JPH2: variants seen among roughly 807,000 people sequenced by gnomAD.
JPH2 encodes junctophilin 2, also known as junctophilin-2.
A neutral mutation model predicts 55.9 loss-of-function variants in JPH2; 38 were observed. That is an observed-to-expected ratio of 0.68 (90% CI 0.52 to 0.89). The LOEUF is 0.89. Among genes scored for constraint, JPH2 ranks in the 40% least tolerant of loss-of-function variants. JPH2 has a pLI of 0.00. For synonymous variants in JPH2, 480 were observed against 472.4 expected (o/e 1.02, Z -0.21); for missense variants, 964 against 1,037.6 (o/e 0.93, Z 0.97).
At chr20:44,175,010 A>C (rs1483238373) in intron 1 of JPH2, among the ~76,000 whole-genome samples, 1 of 152,028 alleles carries the variant, frequency 6.6e-6, no homozygotes, top group Non-Finnish European at 1.5e-5. Context: ...TTAAAAAAAA[A>C]GAAAACAAAA....
chr20:44,160,600 G>A lies in JPH2; in HGVS notation c.380-193C>T, dbSNP rs931183584. On this transcript the variant is annotated intron_variant, in intron 1 of 5. Transcript: ENST00000372980. This position sits in a 1 kb window ranked among gnomAD's most constrained non-coding sequence, Gnocchi z 4.9. The stretch of plus-strand genomic sequence containing the variant: ...AGTGTGCAATAACACGAGTGGGTGA[G>A]CCAGGAGGAGCTTGCACGATGGTAG... 1.3e-5 allele frequency among the ~76,000 whole-genome samples: 2 copies of A among 152,244 alleles called. No homozygotes were observed. The highest frequency in any genetic ancestry group is 4.8e-5 in the African/African-American group (2 of 41,468).
At chr20:44,124,898 A>G (rs1208650599) in intron 2 of JPH2, among the ~76,000 whole-genome samples, 1 of 152,096 alleles carries the variant, frequency 6.6e-6, no homozygotes, top group African/African-American at 2.4e-5. Context: ...ACTTGAGACT[A>G]GGAGATCAAG....
chr20:44,134,277 C>T (rs531765814), intron 2 of JPH2, among the ~76,000 whole-genome samples: 8 of 5,758 alleles, frequency 1.4e-3, no homozygotes, highest in Non-Finnish European at 2.3e-3. Flanking sequence ...ATTATATATA[C>T]ATATAAATAT....
rs183915355 is a variant in JPH2, at chr20:44,162,896, T to C, written c.380-2489A>G. ...CTGTTTAAAACTGCAATCTGCTTAT[T>C]TCACATTGCGTGCCTTTATCAAAAC... On this transcript the variant is annotated intron_variant, in intron 1 of 5. Coordinates refer to ENST00000372980, the MANE Select transcript of JPH2 (RefSeq NM_020433.5). Among the ~76,000 whole-genome samples, 4 of 150,654 alleles carry C rather than the reference T, an allele frequency of 2.7e-5. No individual in the cohort carries two copies. The East Asian group carries it at 7.9e-4, about 30-fold the overall frequency.
At position 44,109,133 on chromosome 20, in the gene JPH2, T is replaced by A. The variant is rs1387118472; in HGVS notation, c.*4385A>T. On this transcript the variant is annotated 3_prime_UTR_variant, in exon 6 of 6. Transcript: ENST00000372980. Reference sequence around the variant, plus strand: ...GCTCACTCTTTCATGGTGGGAGCAGTGTGGTTCTGTAAAAGAGCACAGCTC... The same window carrying A: ...GCTCACTCTTTCATGGTGGGAGCAGAGTGGTTCTGTAAAAGAGCACAGCTC... Among the ~76,000 whole-genome samples, 1 of 152,186 alleles carries A rather than the reference T, an allele frequency of 6.6e-6. No individual in the cohort carries two copies. The highest frequency in any genetic ancestry group is 1.5e-5 in the Non-Finnish European group (1 of 68,030).
chr20:44,115,612 C>T (rs2072182344), intron 4 of JPH2, 53 bp downstream of exon 4: 1 of 1,610,838 alleles, frequency 6.2e-7, no homozygotes, highest in African/African-American at 1.3e-5. Context: ...TCCCTCAAGC[C>T]CTGCTACCTC....
intron 1 of JPH2, among the ~76,000 whole-genome samples, chr20:44,173,951 T>C (rs2072716153): frequency 6.6e-6 from 1 of 152,114 alleles, no homozygotes; most frequent in Non-Finnish European, 1.5e-5. Flanking sequence ...CAGACGATGA[T>C]AAGATCTTCT....
intron 2 of JPH2, among the ~76,000 whole-genome samples, chr20:44,130,952 T>C (rs149756273): frequency 6.2e-4 from 94 of 152,324 alleles, no homozygotes; most frequent in Non-Finnish European, 1.3e-3. Context: ...TCATGCTATG[T>C]GGGTGTGAAT....
intron 2 of JPH2, among the ~76,000 whole-genome samples, chr20:44,134,148 T>A (rs1245696830): frequency 4.1e-5 from 1 of 24,494 alleles, no homozygotes; most frequent in African/African-American, 1.4e-4. Flanking sequence ...AAATAAATAT[T>A]TATTATAAAT....
Position 44,134,055 on chromosome 20 carries a change from T to TTA in JPH2, c.1170-15433_1170-15432insTA, listed in dbSNP as rs1385963868. Among the ~76,000 whole-genome samples the TTA allele has an allele frequency of 1.5e-3, 41 of 26,854 alleles. 9 individuals carry two copies. The highest frequency in any genetic ancestry group is 6.2e-3 in the South Asian group (5 of 808). The allele number at this position is 26,854 out of a possible 152,430, so 17.6% of individuals were successfully genotyped here. Reference sequence around the variant, plus strand: ...ATATATATTTATATATAAATATATATTTATTATAAATATATAAATATATAT... The same window carrying TTA: ...ATATATATTTATATATAAATATATATTATTATTATAAATATATAAATATATAT... On this transcript the variant is annotated intron_variant, in intron 2 of 5. Coordinates refer to ENST00000372980, the MANE Select transcript of JPH2 (RefSeq NM_020433.5).
At chr20:44,174,149 T>C (rs2072717313) in intron 1 of JPH2, among the ~76,000 whole-genome samples, 1 of 152,144 alleles carries the variant, frequency 6.6e-6, no homozygotes, top group Admixed American at 6.5e-5. Flanking sequence ...CCTTCATGGG[T>C]AAGTGTAGTC....
At chr20:44,131,481 T>A (rs559844657) in intron 2 of JPH2, among the ~76,000 whole-genome samples, 1 of 152,312 alleles carries the variant, frequency 6.6e-6, no homozygotes, top group Admixed American at 6.5e-5. Context: ...AGCTGCTCTA[T>A]GTGGGGACAA....
intron 2 of JPH2, among the ~76,000 whole-genome samples, chr20:44,154,187 G>A (rs1191853333): frequency 1.3e-5 from 2 of 152,184 alleles, no homozygotes; most frequent in African/African-American, 4.8e-5. Flanking sequence ...CAGCAACACT[G>A]TCCAATAAAT....
At chr20:44,142,347 G>A (rs2072463524) in intron 2 of JPH2, among the ~76,000 whole-genome samples, 1 of 152,138 alleles carries the variant, frequency 6.6e-6, no homozygotes, top group Non-Finnish European at 1.5e-5. Context: ...CAGGTTGCTA[G>A]TGGCTCCCAG....
At chr20:44,184,976 A>G (rs1459682502) in intron 1 of JPH2, among the ~76,000 whole-genome samples, 1 of 152,178 alleles carries the variant, frequency 6.6e-6, no homozygotes, top group Non-Finnish European at 1.5e-5. Context: ...GGATCTTGCT[A>G]GATTGCCCAG....
chr20:44,186,219 A>C (rs2072838871), intron 1 of JPH2, 108 bp downstream of exon 1: 7 of 1,273,024 alleles, frequency 5.5e-6, no homozygotes, highest in Non-Finnish European at 7.7e-6. Context: ...ATCACTTCCT[A>C]GCCCATCTGA....
At chr20:44,117,272 C>T (rs1046463919) in intron 3 of JPH2, among the ~76,000 whole-genome samples, 4 of 149,878 alleles carry the variant, frequency 2.7e-5, no homozygotes, top group African/African-American at 4.8e-5. Context: ...AGCGAGACTC[C>T]GTCTCAAAAA....
chr20:44,137,395 T>TC lies in JPH2; in HGVS notation c.1170-18773dup, dbSNP rs538458420. On this transcript the variant is annotated intron_variant, in intron 2 of 5. Coordinates refer to ENST00000372980, the MANE Select transcript of JPH2 (RefSeq NM_020433.5). ...GCTGAGTCCTCCCAGCCCAGCGGCC[T>TC]CCCCCGCCTCCCGCCCCTCCCCAGG... Among the ~76,000 whole-genome samples, 760 of 151,990 alleles carry TC rather than the reference T, an allele frequency of 5.0e-3. 12 individuals carry two copies. Among genetic ancestry groups the TC allele is most frequent in the African/African-American group, 0.018 (731 of 41,438 alleles).
At chr20:44,177,527 C>G (rs1314723777) in intron 1 of JPH2, 9 of 1,078,590 alleles carry the variant, frequency 8.3e-6, no homozygotes, top group Non-Finnish European at 9.0e-6. Flanking sequence ...TGCTAAGGGT[C>G]TGCTGTGCTC....
Sources: allele counts gnomAD v4.1 joint callset (sites outside exome capture counted in the v4.1 genomes callset), GRCh38; gene constraint gnomAD v4.1.1; non-coding constraint Gnocchi (gnomAD v3.1); transcripts MANE v1.5; gene names NCBI Gene and HGNC (gene_info 2026-07-23, HGNC 2026-07-21).